NAV3: variants seen among roughly 807,000 people sequenced by gnomAD.
The protein encoded by NAV3 is pore membrane and/or filament interacting like protein 1.
In NAV3, 87 loss-of-function variants were observed where a neutral mutation model predicts 244.7. The ratio of observed to expected loss-of-function variants is 0.36; its 90% CI spans 0.30 to 0.42. The LOEUF is 0.42. Among genes scored for constraint, NAV3 ranks in the 20% least tolerant of loss-of-function variants. NAV3 has a pLI of 1.00. For synonymous variants in NAV3, 1,126 were observed against 1,042.2 expected (o/e 1.08, Z -1.55); for missense variants, 2,663 against 2,893.3 (o/e 0.92, Z 1.83).
chr12:78,090,281 A>C (rs910178795), intron 12 of NAV3, among the ~76,000 whole-genome samples: 8 of 150,244 alleles, frequency 5.3e-5, no homozygotes, highest in African/African-American at 1.9e-4. Context: ...GTTGAATTAA[A>C]TTGAAAGTGT....
rs1891529127 is a variant in NAV3 at position 77,957,985 on chromosome 12, ACACT to A, written c.415-8242_415-8239del. 2.6e-5 allele frequency among the ~76,000 whole-genome samples: 4 copies of A among 152,278 alleles called. No individual in the cohort carries two copies. In the South Asian group the frequency reaches 6.2e-4, roughly 24 times the overall value. On this transcript the variant is annotated intron_variant, in intron 3 of 39. Coordinates refer to ENST00000397909, the MANE Select transcript of NAV3 (RefSeq NM_001024383.2). ...CTGCCAATATCAGTGTTTCTAATAC[ACACT>A]CTATGGTTGATATGTCAAGAACACG...
At chr12:78,010,827 T>C (rs1875144912) in intron 8 of NAV3, 1 of 152,058 alleles carries the variant, frequency 6.6e-6, no homozygotes, top group South Asian at 2.1e-4. Context: ...GGTGACTTTT[T>C]TTCTCAATTC....
At chr12:77,819,363 T>G (rs1209166234) in intron 2 of NAV3, among the ~76,000 whole-genome samples, 1 of 151,686 alleles carries the variant, frequency 6.6e-6, no homozygotes, top group African/African-American at 2.4e-5. Flanking sequence ...ATGAGGATTT[T>G]AAGCTGAGGT....
chr12:78,119,349 G>GC lies in NAV3; in HGVS notation c.3159dup (p.Ser1054LeufsTer15). On this transcript the variant is annotated frameshift_variant, in exon 15 of 40. Coordinates refer to ENST00000397909, the MANE Select transcript of NAV3 (RefSeq NM_001024383.2). LOFTEE classifies it high-confidence loss of function. ...AAAGCAGTGGAGATGAAGGGAAAAA[G>GC]CCCCCCTCAGGCATTGGAAGATCGA... The GC allele has an allele frequency of 6.2e-7, 1 of 1,614,092 alleles. No homozygotes were observed. The highest frequency in any genetic ancestry group is 8.5e-7 in the Non-Finnish European group (1 of 1,180,010).
At chr12:78,022,790 A>G (rs945634183) in intron 9 of NAV3, among the ~76,000 whole-genome samples, 2 of 152,186 alleles carry the variant, frequency 1.3e-5, no homozygotes. Context: ...TTTGGCAAGC[A>G]TTAGACATGA....
rs774502348 is a variant in NAV3 at position 78,050,080 on chromosome 12, G to A, written c.2111G>A (p.Arg704His). ...QNLEETMSSL[R>H]GTQISHSTLE... ...TTAGAAGAGACTATGTCCAGTCTTC[G>A]TGGGACTCAGATAAGCCACAGGTTT... The change falls in exon 10 of 40, where the codon CGT becomes CAT. Residue 704 changes from arginine (R) to histidine (H), a missense_variant. By Grantham distance (29) the Arg-to-His change is conservative. This residue lies in a region of NAV3 where 1,521 missense variants were observed against 1,497.0 expected (regional missense o/e 1.02). Transcript: ENST00000397909. 1.4e-5 allele frequency: 23 copies of A among 1,610,638 alleles called. No individual in the cohort carries two copies. The highest frequency in any genetic ancestry group is 5.0e-5 in the Admixed American group (3 of 59,430).
At chr12:77,974,562 T>C (rs1893302193) in intron 5 of NAV3, among the ~76,000 whole-genome samples, 1 of 152,094 alleles carries the variant, frequency 6.6e-6, no homozygotes, top group Non-Finnish European at 1.5e-5. Context: ...CCTCCCAAAG[T>C]GCTGGGATTA....
At chr12:77,689,163 C>T (rs768891733) in intron 2 of NAV3, among the ~76,000 whole-genome samples, 1 of 151,922 alleles carries the variant, frequency 6.6e-6, no homozygotes, top group Non-Finnish European at 1.5e-5. Flanking sequence ...AGTCTAAAAA[C>T]ATTTCCTGCT....
At chr12:77,845,861 C>T (rs1195781621) in intron 1 of NAV3, among the ~76,000 whole-genome samples, 1 of 152,112 alleles carries the variant, frequency 6.6e-6, no homozygotes, top group Non-Finnish European at 1.5e-5. Flanking sequence ...CCATGTTGCT[C>T]AGGCTGGTCT....
chr12:77,638,267 C>G (rs922853221), intron 2 of NAV3, among the ~76,000 whole-genome samples: 4 of 152,040 alleles, frequency 2.6e-5, no homozygotes, highest in Non-Finnish European at 5.9e-5. Context: ...GAATGGTTAC[C>G]CCTGCTTTGA....
At chr12:77,661,343 TG>T (rs1257638265) in intron 2 of NAV3, among the ~76,000 whole-genome samples, 4 of 152,120 alleles carry the variant, frequency 2.6e-5, no homozygotes, top group African/African-American at 4.8e-5. Flanking sequence ...ATGTTGAAAA[TG>T]TTTTTTTGCA....
intron 1 of NAV3, among the ~76,000 whole-genome samples, chr12:77,938,343 C>A (rs1171602568): frequency 6.6e-6 from 1 of 152,092 alleles, no homozygotes; most frequent in Non-Finnish European, 1.5e-5. Flanking sequence ...ACCTAAAAAT[C>A]ATGTATTTGT....
At chr12:77,859,133 T>G (rs1878826299) in intron 1 of NAV3, among the ~76,000 whole-genome samples, 1 of 152,208 alleles carries the variant, frequency 6.6e-6, no homozygotes, top group Admixed American at 6.5e-5. Context: ...GAATGAGAAG[T>G]CAGTTTCACA....
intron 2 of NAV3, among the ~76,000 whole-genome samples, chr12:77,753,337 T>A (rs1224348176): frequency 6.6e-6 from 1 of 150,996 alleles, no homozygotes; most frequent in African/African-American, 2.4e-5. Flanking sequence ...TTTATGACTG[T>A]GTTTTTCACA....
rs536090294 is a variant in NAV3 at position 77,635,510 on chromosome 12, T to C, written c.72+63244T>C. Among the ~76,000 whole-genome samples the C allele has an allele frequency of 1.9e-3, 288 of 152,348 alleles. 2 individuals are homozygous for C. Among genetic ancestry groups the C allele is most frequent in the African/African-American group, 6.6e-3 (275 of 41,588 alleles). On this transcript the variant is annotated intron_variant, in intron 2 of 8. Transcript: ENST00000550042. ...GTTTTTAAAGGTATATTCTATGTTT[T>C]GTGTCAACAGCAATATATGATTAAA...
At position 77,625,509 on chromosome 12, in the gene NAV3, G is replaced by A. The variant is rs562672916; in HGVS notation, c.72+53243G>A. Reference sequence around the variant, plus strand: ...ACTAGACTTGTTTCTTATTATACTCGTGAAATGATTATAGGAAGAAATTTT... The same window carrying A: ...ACTAGACTTGTTTCTTATTATACTCATGAAATGATTATAGGAAGAAATTTT... On this transcript the variant is annotated intron_variant, in intron 2 of 8. Transcript: ENST00000550042. 4.5e-4 allele frequency among the ~76,000 whole-genome samples: 68 copies of A among 152,192 alleles called. 1 individual carries two copies. Among genetic ancestry groups the A allele is most frequent in the East Asian group, 3.1e-3 (16 of 5,180 alleles).
intron 30 of NAV3, among the ~76,000 whole-genome samples, chr12:78,184,133 A>G (rs1184669684): frequency 6.6e-6 from 1 of 151,866 alleles, no homozygotes; most frequent in Non-Finnish European, 1.5e-5. Context: ...TGCTTAAACT[A>G]TTCTGAAATA....
chr12:77,626,651 T>C (rs1372154700), intron 2 of NAV3, among the ~76,000 whole-genome samples: 1 of 152,020 alleles, frequency 6.6e-6, no homozygotes, highest in Non-Finnish European at 1.5e-5. Context: ...ATATTCAAAG[T>C]GCTGCATAAA....
chr12:77,770,316 G>T (rs1034787333), intron 2 of NAV3, among the ~76,000 whole-genome samples: 9 of 152,138 alleles, frequency 5.9e-5, no homozygotes, highest in Non-Finnish European at 1.3e-4. Context: ...AATCTTAGAG[G>T]TATAGCACTT....
Sources: gnomAD v4.1 joint callset for allele counts (sites outside exome capture counted in the v4.1 genomes callset) on GRCh38, gnomAD v4.1.1 for gene constraint, gnomAD v4.1.1 regional missense constraint, MANE v1.5 for transcripts, NCBI Gene and HGNC (gene_info 2026-07-23, HGNC 2026-07-21) for gene names.